Variants in TNFAIP8L3 observed in about 807,000 individuals in gnomAD.
TNFAIP8L3 encodes tumor necrosis factor alpha-induced protein 8-like protein 3.
In TNFAIP8L3, 7 loss-of-function variants were observed where a neutral mutation model predicts 11.8. The ratio of observed to expected loss-of-function variants is 0.59; its 90% CI spans 0.34 to 1.11. TNFAIP8L3 has a LOEUF of 1.11. Ranked by LOEUF, TNFAIP8L3 falls within the 50% of genes most tolerant of loss-of-function variation. The pLI, the probability that TNFAIP8L3 is intolerant of heterozygous loss-of-function variation, is 0.03. For synonymous variants in TNFAIP8L3, 98 were observed against 103.8 expected (o/e 0.94, Z 0.34); for missense variants, 219 against 258.6 (o/e 0.85, Z 1.05).
At chr15:51,097,940 T>C (rs1362015099), upstream of TNFAIP8L3, among the ~76,000 whole-genome samples, 3 of 152,208 alleles carry the variant, frequency 2.0e-5, no homozygotes, top group Non-Finnish European at 2.9e-5. Flanking sequence ...GGCATCACTT[T>C]GCAGACTTGA....
intron 1 of TNFAIP8L3, among the ~76,000 whole-genome samples, chr15:51,072,781 A>G (rs2065319716): frequency 6.6e-6 from 1 of 151,304 alleles, no homozygotes; most frequent in Non-Finnish European, 1.5e-5. Flanking sequence ...TGTTTATTAG[A>G]CTCTGGTCTA....
At chr15:51,080,309 T>G (rs1362033485) in intron 1 of TNFAIP8L3, among the ~76,000 whole-genome samples, 1 of 152,234 alleles carries the variant, frequency 6.6e-6, no homozygotes, top group Admixed American at 6.5e-5. Context: ...AATCTCCTGG[T>G]TAGTTTTTTA....
In TNFAIP8L3 at chr15:51,072,872, CT is replaced by C. The variant is rs2065320592; in HGVS notation, c.53-14430del. On this transcript the variant is annotated intron_variant, in intron 1 of 1. Coordinates refer to ENST00000637513, the MANE Select transcript of TNFAIP8L3 (RefSeq NM_001311175.2). ...AGGGAAGTGCCCCTCCTCACCCTCA[CT>C]TTATTCTGCTTAGAAACTGTCTTGA... Among the ~76,000 whole-genome samples the C allele has an allele frequency of 2.0e-5, 3 of 151,908 alleles. No homozygotes were observed. The South Asian group carries it at 6.2e-4, about 32-fold the overall frequency.
In TNFAIP8L3 at chr15:51,058,319, C is replaced by T; in HGVS notation, c.177G>A (p.Glu59=). ...TGTGCTCTTTGGTGACTTTGTAGAG[C>T]TCATCAAAGATCTCGCTGCTGGTGT... ...IDDTSSEIFD[E]LYKVTKEHTH... is the part of the protein sequence containing the mutation. The change falls in exon 2 of 2, where the codon GAG becomes GAA. Residue 59 remains glutamate, a synonymous_variant. Coordinates refer to ENST00000637513, the MANE Select transcript of TNFAIP8L3 (RefSeq NM_001311175.2). 6.2e-7 allele frequency: 1 copy of T among 1,614,156 alleles called. No homozygotes were observed. Among genetic ancestry groups the T allele is most frequent in the South Asian group, 1.1e-5 (1 of 91,082 alleles).
intron 1 of TNFAIP8L3, among the ~76,000 whole-genome samples, chr15:51,061,190 TG>T (rs1171925906): frequency 6.6e-6 from 1 of 152,188 alleles, no homozygotes; most frequent in Non-Finnish European, 1.5e-5. Flanking sequence ...TTTTTTGAGA[TG>T]GGGGTCTCAC....
At chr15:51,097,468 A>C (rs1287621062), upstream of TNFAIP8L3, among the ~76,000 whole-genome samples, 1 of 152,206 alleles carries the variant, frequency 6.6e-6, no homozygotes, top group African/African-American at 2.4e-5. Flanking sequence ...GTTCTTAGAT[A>C]ATGCCTATTC....
chr15:51,058,581 T>A, intron 1 of TNFAIP8L3, 138 bp from the exon 2 acceptor site: 1 of 756,952 alleles, frequency 1.3e-6, no homozygotes, highest in Non-Finnish European at 2.0e-6. Context: ...GCTCCCTAAC[T>A]AAACCCCACC....
At chr15:51,086,894 C>CT (rs771443209) in intron 1 of TNFAIP8L3, among the ~76,000 whole-genome samples, 18,612 of 145,758 alleles carry the variant, frequency 0.13, 1,409 homozygotes, top group Middle Eastern at 0.21. Context: ...GCTACAACTT[C>CT]TTTTTTTTTT....
In TNFAIP8L3 at chr15:51,094,858, C is replaced by CGGGAGGAGGGAG. The variant is rs1448408118; in HGVS notation, c.-275_-264dup. Among the ~76,000 whole-genome samples the CGGGAGGAGGGAG allele has an allele frequency of 2.0e-5, 3 of 150,920 alleles. No individual in the cohort carries two copies. Among genetic ancestry groups the CGGGAGGAGGGAG allele is most frequent in the African/African-American group, 7.3e-5 (3 of 41,252 alleles). ...AGGGTGGGGCGCTCCGGGAGACAGC[C>CGGGAGGAGGGAG]GGGAGGAGGGAGGGGAGGCGCGAGC... On this transcript the variant is annotated 5_prime_UTR_variant, in exon 1 of 2. Coordinates refer to ENST00000637513, the MANE Select transcript of TNFAIP8L3 (RefSeq NM_001311175.2). The surrounding 1 kb of genome is among the most constrained non-coding windows in gnomAD (Gnocchi z 4.4).
intron 1 of TNFAIP8L3, among the ~76,000 whole-genome samples, chr15:51,071,040 G>A (rs2140968966): frequency 1.1e-5 from 1 of 88,878 alleles, no homozygotes; most frequent in South Asian, 3.7e-4. Flanking sequence ...GACAGAGCGA[G>A]ACTCCGTCTC....
chr15:51,104,409 G>T (rs2140988474), intron 1 of TNFAIP8L3, among the ~76,000 whole-genome samples: 1 of 152,300 alleles, frequency 6.6e-6, no homozygotes, highest in African/African-American at 2.4e-5. Flanking sequence ...CCCACTCACA[G>T]GAGAGTCCTG....
At chr15:51,104,730 C>T (rs760102709) in intron 1 of TNFAIP8L3, among the ~76,000 whole-genome samples, 16 of 152,214 alleles carry the variant, frequency 1.1e-4, no homozygotes, top group Non-Finnish European at 1.8e-4. Flanking sequence ...TTCTGGCCAG[C>T]GTGCCCTTGT....
In TNFAIP8L3 at chr15:51,094,463, C is replaced by T. The variant is rs1433501666; in HGVS notation, c.52+81G>A. The T allele has an allele frequency of 3.3e-5, 44 of 1,350,214 alleles. No individual in the cohort carries two copies. The highest frequency in any genetic ancestry group is 4.2e-5 in the Non-Finnish European group (44 of 1,046,170). 83.6% of individuals were successfully genotyped at this position (1,350,214 alleles called of 1,614,324 possible). ...TGGAAGGGGTCGGGCTGCTGAGGAT[C>T]GGCTTCCCGATTTCATGCCCCAGCC... On this transcript the variant is annotated intron_variant, in intron 1 of 1. Transcript: ENST00000637513. The surrounding 1 kb of genome is among the most constrained non-coding windows in gnomAD (Gnocchi z 4.4).
At position 51,070,620 on chromosome 15, in the gene TNFAIP8L3, T is replaced by C. The variant is rs551482336; in HGVS notation, c.53-12177A>G. Among the ~76,000 whole-genome samples the C allele has an allele frequency of 1.4e-4, 22 of 152,340 alleles. No homozygotes were observed. The South Asian group carries it at 3.3e-3, about 23-fold the overall frequency. ...ATTGGGCAGACTCTGCCCCAGAGTCTGCCTGAGTTCAGTGCTTCAGCCTGC... is the reference window on the plus strand; with the variant it reads ...ATTGGGCAGACTCTGCCCCAGAGTCCGCCTGAGTTCAGTGCTTCAGCCTGC... On this transcript the variant is annotated intron_variant, in intron 1 of 1. Coordinates refer to ENST00000637513, the MANE Select transcript of TNFAIP8L3 (RefSeq NM_001311175.2).
At chr15:51,103,087 A>G (rs1342429337) in intron 1 of TNFAIP8L3, among the ~76,000 whole-genome samples, 1 of 150,116 alleles carries the variant, frequency 6.7e-6, no homozygotes, top group Non-Finnish European at 1.5e-5. Flanking sequence ...CCTCTCTTCT[A>G]TCTATCCAAC....
At chr15:51,059,166 A>G (rs1232266372) in intron 1 of TNFAIP8L3, among the ~76,000 whole-genome samples, 1 of 152,210 alleles carries the variant, frequency 6.6e-6, no homozygotes, top group East Asian at 1.9e-4. Flanking sequence ...CTGTGGGAAC[A>G]CAGACATCAG....
intron 1 of TNFAIP8L3, among the ~76,000 whole-genome samples, chr15:51,101,396 C>T (rs370034619): frequency 1.8e-4 from 28 of 152,162 alleles, no homozygotes; most frequent in East Asian, 1.4e-3. Flanking sequence ...CCAAGACAGG[C>T]GGATCACCTG....
chr15:51,058,046 C>G lies in TNFAIP8L3; in HGVS notation c.450G>C (p.Gln150His). ...CGTGGGTCCTGGGCGTCAGGTGCCG[C>G]TGCACCAGTTCATGCACCAGGTCCT... ...ECKDLVHELV[Q>H]RHLTPRTHGR... Residue 150 changes from glutamine (Q) to histidine (H), a missense_variant, in exon 2 of 2, where the codon CAG becomes CAC. Transcript: ENST00000637513. 6.2e-7 allele frequency: 1 copy of G among 1,614,124 alleles called. No homozygotes were observed. The highest frequency in any genetic ancestry group is 1.1e-5 in the South Asian group (1 of 91,064).
At chr15:51,097,021 T>TAAAA (rs2065518348), upstream of TNFAIP8L3, among the ~76,000 whole-genome samples, 1 of 151,780 alleles carries the variant, frequency 6.6e-6, no homozygotes, top group South Asian at 2.1e-4. Context: ...AGTTATAAGG[T>TAAAA]AAAACAACAA....
Sources: allele counts gnomAD v4.1 joint callset (sites outside exome capture counted in the v4.1 genomes callset), GRCh38; gene constraint gnomAD v4.1.1; non-coding constraint Gnocchi (gnomAD v3.1); transcripts MANE v1.5; gene names NCBI Gene and HGNC (gene_info 2026-07-23, HGNC 2026-07-21).